Variants in BNIP2 observed in about 807,000 individuals in gnomAD.
BNIP2 encodes the protein BCL2 interacting protein 2.
In BNIP2, 36 loss-of-function variants were observed where a neutral mutation model predicts 43.4. The observed-to-expected ratio is 0.83, with a 90% CI of 0.64 to 1.10. The LOEUF (loss-of-function observed/expected upper bound fraction) is 1.10, where lower values mean the gene tolerates loss of function less well. Among genes scored for constraint, BNIP2 ranks in the 50% least tolerant of loss-of-function variants. The probability of loss-of-function intolerance (pLI) is 0.00; values close to 1 mark genes in which losing one functional copy is unlikely to be tolerated. For synonymous variants in BNIP2, 146 were observed against 121.0 expected (o/e 1.21, Z -1.35); for missense variants, 417 against 374.1 (o/e 1.11, Z -0.95).
In BNIP2 at chr15:59,681,014, CAT is replaced by C. The variant is rs200335266; in HGVS notation, c.51-708_51-707del. Among the ~76,000 whole-genome samples, 1,207 of 152,282 alleles carry C rather than the reference CAT, an allele frequency of 7.9e-3. 26 individuals are homozygous for C. The highest frequency in any genetic ancestry group is 0.028 in the African/African-American group (1,150 of 41,560). ...CAACAGCTCTTATACAATTATAAAA[CAT>C]GTAACAATTTTAAACAAATATGACT... On this transcript the variant is annotated intron_variant, in intron 2 of 9. Transcript: ENST00000607373.
At chr15:59,685,350 A>C (rs1156741369) in intron 1 of BNIP2, among the ~76,000 whole-genome samples, 1 of 152,066 alleles carries the variant, frequency 6.6e-6, no homozygotes, top group Admixed American at 6.5e-5. Context: ...AAATACAAAA[A>C]ATCAGCCAGG....
intron 6 of BNIP2, among the ~76,000 whole-genome samples, chr15:59,671,656 A>G (rs1892935180): frequency 6.6e-6 from 1 of 152,180 alleles, no homozygotes; most frequent in African/African-American, 2.4e-5. Context: ...ACTTTCCACA[A>G]TACGGTTTTT....
Position 59,663,545 on chromosome 15 carries a change from G to C in BNIP2, c.*524C>G, listed in dbSNP as rs766487804. 1 of 152,542 alleles carries C rather than the reference G, an allele frequency of 6.6e-6. No individual in the cohort carries two copies. The highest frequency in any genetic ancestry group is 2.4e-5 in the African/African-American group (1 of 41,402). 9.4% of individuals were successfully genotyped at this position (152,542 alleles called of 1,614,324 possible). A position where few individuals can be genotyped will look rare whatever the true frequency, so the allele number is the denominator to read the frequency against. On this transcript the variant is annotated 3_prime_UTR_variant, in exon 10 of 10. Coordinates refer to ENST00000607373, the MANE Select transcript of BNIP2 (RefSeq NM_004330.4). ...TTCATGACAATCAGTTTAACCATCT[G>C]TTGCCTTATGAAAAACTTAATTTCC...
Position 59,669,381 on chromosome 15 carries a change from AC to A in BNIP2, c.708-20del, listed in dbSNP as rs1595690395. 1.8e-4 allele frequency: 238 copies of A among 1,316,450 alleles called. No individual in the cohort carries two copies. Among genetic ancestry groups the A allele is most frequent in the Non-Finnish European group, 2.2e-4 (208 of 963,100 alleles). The allele number at this position is 1,316,450 out of a possible 1,614,324, so 81.5% of individuals were successfully genotyped here. ...CCGTAACCTGGAGTTTAAAAAAAAA[AC>A]ACACACACACAAAGAAAATTAAAAA... On this transcript the variant is annotated intron_variant, in intron 7 of 9. Transcript: ENST00000607373.
chr15:59,670,950 G>C (rs538950734), intron 7 of BNIP2, among the ~76,000 whole-genome samples: 1 of 152,090 alleles, frequency 6.6e-6, no homozygotes, highest in African/African-American at 2.4e-5. Context: ...GCGCATGCCT[G>C]TAATCCCAGC....
At position 59,668,757 on chromosome 15, in the gene BNIP2, T is replaced by TACACACAC. The variant is rs71425879; in HGVS notation, c.893+127_893+134dup. ...ATGGCTTCTTCCTCTTTTTCTTTGT[T>TACACACAC]ACACACACACACACACGCGCGCGCG... On this transcript the variant is annotated intron_variant, in intron 9 of 9. Coordinates refer to ENST00000607373, the MANE Select transcript of BNIP2 (RefSeq NM_004330.4). 9 of 588,140 alleles carry TACACACAC rather than the reference T, an allele frequency of 1.5e-5. No individual in the cohort carries two copies. In the East Asian group the frequency reaches 2.6e-4, roughly 17 times the overall value. 36.4% of individuals were successfully genotyped at this position (588,140 alleles called of 1,614,324 possible).
chr15:59,688,683 G>T, intron 1 of BNIP2: 1 of 1,530,592 alleles, frequency 6.5e-7, no homozygotes, highest in South Asian at 1.2e-5. Flanking sequence ...TTAAAGCCCT[G>T]ATTACTTATG....
At chr15:59,679,877 T>A (rs1165768268) in intron 3 of BNIP2, 109 bp from the exon 4 acceptor site, 2 of 1,020,070 alleles carry the variant, frequency 2.0e-6, no homozygotes, top group East Asian at 5.9e-5. Context: ...TAATATTAAT[T>A]GAACATAATT....
Position 59,660,564 on chromosome 15 carries a change from G to A in BNIP2, c.*3505C>T, listed in dbSNP as rs373524007. 6.6e-6 allele frequency: 1 copy of A among 152,126 alleles called. No individual in the cohort carries two copies. Among genetic ancestry groups the A allele is most frequent in the Non-Finnish European group, 1.5e-5 (1 of 68,030 alleles). 9.4% of individuals were successfully genotyped at this position (152,126 alleles called of 1,614,324 possible). On this transcript the variant is annotated 3_prime_UTR_variant, in exon 10 of 10. Coordinates refer to ENST00000607373, the MANE Select transcript of BNIP2 (RefSeq NM_004330.4). The stretch of plus-strand genomic sequence containing the variant: ...TATAAAACACATGTCCAAATTCCCT[G>A]AGCATTCACATAAACAGCCAAATAG...
At chr15:59,677,874 G>T in intron 5 of BNIP2, 37 bp downstream of exon 5, 5 of 1,567,088 alleles carry the variant, frequency 3.2e-6, no homozygotes, top group African/African-American at 1.4e-5. Context: ...TTCTGATATT[G>T]CATTAAACAA....
rs1892755107 is a variant in BNIP2 at position 59,669,300 on chromosome 15, A to G, written c.770T>C (p.Leu257Pro). Residue 257 changes from leucine to proline, a missense_variant, in exon 8 of 10, where the codon CTG becomes CCG. Coordinates refer to ENST00000607373, the MANE Select transcript of BNIP2 (RefSeq NM_004330.4). ...VHPSWFIRTL[L>P]AVTRPFISSK... is the part of the protein sequence containing the mutation. The stretch of plus-strand genomic sequence containing the variant: ...CCTAATAAATGGTCTTGTAACAGCC[A>G]GAAGTGTTCTGATAAACCAAGAAGG... 3.2e-6 allele frequency: 5 copies of G among 1,558,554 alleles called. No homozygotes were observed.
At chr15:59,686,365 C>T (rs1894013416) in intron 1 of BNIP2, among the ~76,000 whole-genome samples, 1 of 152,010 alleles carries the variant, frequency 6.6e-6, no homozygotes, top group Non-Finnish European at 1.5e-5. Flanking sequence ...GCTTGGGCAA[C>T]ACAGTGAGAT....
chr15:59,684,867 A>G (rs1054738990), intron 1 of BNIP2, among the ~76,000 whole-genome samples: 3 of 152,216 alleles, frequency 2.0e-5, no homozygotes, highest in Non-Finnish European at 4.4e-5. Context: ...GTTGTACCCA[A>G]TATATTCCCA....
intron 1 of BNIP2, among the ~76,000 whole-genome samples, chr15:59,683,390 A>G (rs1449150375): frequency 6.6e-6 from 1 of 152,274 alleles, no homozygotes; most frequent in Non-Finnish European, 1.5e-5. Flanking sequence ...GTTCATTTAC[A>G]TTCAAGTCAA....
At position 59,661,410 on chromosome 15, in the gene BNIP2, GTTTGCTTTCTCTTACTTCCTAC is replaced by G. The variant is rs1892266165; in HGVS notation, c.*2637_*2658del. The G allele has an allele frequency of 6.6e-6, 1 of 151,516 alleles. No individual in the cohort carries two copies. The highest frequency in any genetic ancestry group is 1.5e-5 in the Non-Finnish European group (1 of 67,990). The allele number at this position is 151,516 out of a possible 1,614,324, so 9.4% of individuals were successfully genotyped here. ...ACTATGTCTTTATCTCTTTATAAAG[GTTTGCTTTCTCTTACTTCCTAC>G]TTTTATCACTTTCCAATGCCTCTGC... On this transcript the variant is annotated 3_prime_UTR_variant, in exon 10 of 10. Transcript: ENST00000607373.
chr15:59,683,943 T>C (rs930434169), intron 1 of BNIP2, among the ~76,000 whole-genome samples: 3 of 152,368 alleles, frequency 2.0e-5, no homozygotes, highest in East Asian at 3.9e-4. Context: ...AAATCAATTA[T>C]GTCAGCCATT....
At chr15:59,668,785 C>G (rs1274642961) in intron 9 of BNIP2, 107 bp downstream of exon 9, 1 of 1,031,972 alleles carries the variant, frequency 9.7e-7, no homozygotes, top group Non-Finnish European at 1.4e-6. Flanking sequence ...CGCGCGCGCG[C>G]ACAGTTATAA....
intron 6 of BNIP2, 138 bp from the exon 7 acceptor site, chr15:59,671,452 C>G (rs1892909985): frequency 1.6e-6 from 1 of 616,166 alleles, no homozygotes; most frequent in Admixed American, 3.4e-5. Context: ...ACCGCATTAG[C>G]TAGTATTACG....
chr15:59,681,683 G>A (rs1595705458), intron 2 of BNIP2, among the ~76,000 whole-genome samples: 1 of 152,060 alleles, frequency 6.6e-6, no homozygotes, highest in African/African-American at 2.4e-5. Flanking sequence ...CTGGCCTCAA[G>A]TGATCTGCCT....
Sources: gnomAD v4.1 joint callset for allele counts (sites outside exome capture counted in the v4.1 genomes callset) on GRCh38, gnomAD v4.1.1 for gene constraint, MANE v1.5 for transcripts, NCBI Gene and HGNC (gene_info 2026-07-23, HGNC 2026-07-21) for gene names.